ELP4: variants seen among roughly 807,000 people sequenced by gnomAD.
The protein encoded by ELP4 is elongator complex protein 4.
Under a neutral mutation model 48.9 loss-of-function variants are expected in ELP4, and 51 were observed. The ratio of observed to expected loss-of-function variants is 1.04; its 90% CI spans 0.83 to 1.32. The LOEUF is 1.32. ELP4 is among the 40% of genes most tolerant of loss of function. The pLI is 0.00. For missense variants in ELP4, 519 were observed against 514.6 expected (o/e 1.01, Z -0.08); for synonymous variants, 210 against 189.2 (o/e 1.11, Z -0.90).
chr11:31,742,403 A>C (rs7938509), intron 9 of ELP4, among the ~76,000 whole-genome samples: 46,235 of 152,032 alleles, frequency 0.3, 7,678 homozygotes, highest in African/African-American at 0.44. Context: ...GAAAGCCACA[A>C]AGATACTCCT....
chr11:31,735,625 A>G (rs1375235315), intron 9 of ELP4, among the ~76,000 whole-genome samples: 5 of 152,190 alleles, frequency 3.3e-5, no homozygotes, highest in African/African-American at 1.2e-4. Flanking sequence ...ACTTCAGCAA[A>G]GTCTCAGGAT....
At chr11:31,694,266 G>C (rs1219545544) in intron 9 of ELP4, among the ~76,000 whole-genome samples, 4 of 152,082 alleles carry the variant, frequency 2.6e-5, no homozygotes, top group Non-Finnish European at 4.4e-5. Flanking sequence ...GTATTGCCTA[G>C]GTTTTCTTCT....
intron 9 of ELP4, among the ~76,000 whole-genome samples, chr11:31,665,198 C>G (rs985739101): frequency 3.3e-5 from 5 of 152,150 alleles, no homozygotes; most frequent in African/African-American, 7.2e-5. Flanking sequence ...TTATACTTGA[C>G]AGTTTACCTC....
intron 9 of ELP4, among the ~76,000 whole-genome samples, chr11:31,754,829 G>GTGA: frequency 6.6e-6 from 1 of 152,132 alleles, no homozygotes; most frequent in South Asian, 2.1e-4. Flanking sequence ...CCAAGATCAC[G>GTGA]CCATTATACT....
intron 4 of ELP4, among the ~76,000 whole-genome samples, chr11:31,597,698 A>C (rs1185439279): frequency 2.0e-5 from 3 of 151,732 alleles, no homozygotes; most frequent in African/African-American, 7.3e-5. Context: ...CAGCCTCCCG[A>C]GTAGCTGGGA....
At chr11:31,738,161 C>G (rs1947361028) in intron 9 of ELP4, among the ~76,000 whole-genome samples, 1 of 139,126 alleles carries the variant, frequency 7.2e-6, no homozygotes, top group South Asian at 2.2e-4. Flanking sequence ...TTTGGGAGAC[C>G]AAGACAGGAA....
chr11:31,544,007 G>C (rs1308810994), intron 3 of ELP4, among the ~76,000 whole-genome samples: 1 of 152,190 alleles, frequency 6.6e-6, no homozygotes, highest in East Asian at 1.9e-4. Context: ...TGTGGAAAAA[G>C]ATCGGGGAGG....
intron 9 of ELP4, among the ~76,000 whole-genome samples, chr11:31,708,458 T>C (rs546706454): frequency 6.6e-6 from 1 of 152,256 alleles, no homozygotes; most frequent in African/African-American, 2.4e-5. Context: ...CAAAAATAAG[T>C]TTTTATTGAC....
chr11:31,745,856 A>G (rs1041793818), intron 9 of ELP4, among the ~76,000 whole-genome samples: 39 of 152,244 alleles, frequency 2.6e-4, no homozygotes, highest in African/African-American at 2.4e-5. Context: ...CTAAAACACC[A>G]AAAGCAATGG....
intron 9 of ELP4, among the ~76,000 whole-genome samples, chr11:31,735,171 A>AC (rs899374818): frequency 1.4e-4 from 21 of 151,662 alleles, no homozygotes; most frequent in Non-Finnish European, 2.4e-4. Flanking sequence ...AAAAAAAAAA[A>AC]AACACGCACA....
At chr11:31,523,607 A>G (rs1396103061) in intron 2 of ELP4, among the ~76,000 whole-genome samples, 1 of 152,192 alleles carries the variant, frequency 6.6e-6, no homozygotes, top group Non-Finnish European at 1.5e-5. Context: ...TGAATATAGC[A>G]AAATAAATAC....
At chr11:31,717,225 T>C (rs1180323759) in intron 9 of ELP4, among the ~76,000 whole-genome samples, 2 of 152,186 alleles carry the variant, frequency 1.3e-5, no homozygotes, top group African/African-American at 4.8e-5. Context: ...GAAATGTACA[T>C]GTTTATTTTT....
intron 9 of ELP4, among the ~76,000 whole-genome samples, chr11:31,690,472 C>A (rs1946254659): frequency 2.0e-5 from 3 of 151,822 alleles, no homozygotes; most frequent in African/African-American, 7.3e-5. Flanking sequence ...TGGATTATTT[C>A]TACTAAAATG....
intron 4 of ELP4, among the ~76,000 whole-genome samples, chr11:31,596,800 ATAACT>A (rs1361206184): frequency 1.3e-5 from 2 of 152,208 alleles, no homozygotes; most frequent in African/African-American, 2.4e-5. Context: ...TTATATACAA[ATAACT>A]TAAAATGAAA....
intron 2 of ELP4, among the ~76,000 whole-genome samples, chr11:31,524,797 A>C (rs1460426786): frequency 6.6e-6 from 1 of 152,164 alleles, no homozygotes; most frequent in African/African-American, 2.4e-5. Flanking sequence ...CAGCCTGGGC[A>C]ACATGGCAAA....
chr11:31,578,767 A>C (rs1957333113), intron 3 of ELP4, among the ~76,000 whole-genome samples: 2 of 152,216 alleles, frequency 1.3e-5, no homozygotes, highest in Admixed American at 1.3e-4. Context: ...TCCCTTCCTT[A>C]CACCTTATAC....
chr11:31,612,150 A>C (rs896796715), intron 5 of ELP4, among the ~76,000 whole-genome samples: 1 of 152,200 alleles, frequency 6.6e-6, no homozygotes, highest in African/African-American at 2.4e-5. Flanking sequence ...GTTTGGGGTG[A>C]AATAAGATTT....
At chr11:31,713,414 T>G (rs1361603470) in intron 9 of ELP4, among the ~76,000 whole-genome samples, 1 of 152,178 alleles carries the variant, frequency 6.6e-6, no homozygotes, top group Non-Finnish European at 1.5e-5. Context: ...GAATTCTGTA[T>G]CAATAACATT....
chr11:31,650,868 A>C (rs1945304639), intron 9 of ELP4: 1 of 151,792 alleles, frequency 6.6e-6, no homozygotes, highest in African/African-American at 2.4e-5. Context: ...AAATGCTCAG[A>C]GAGAGATGGC....
Sources: allele counts gnomAD v4.1 joint callset (sites outside exome capture counted in the v4.1 genomes callset), GRCh38; gene constraint gnomAD v4.1.1; transcripts MANE v1.5; gene names NCBI Gene and HGNC (gene_info 2026-07-23, HGNC 2026-07-21).